Variants in FGF12 observed in about 807,000 individuals in gnomAD.
FGF12 encodes the protein fibroblast growth factor 12B.
Under a neutral mutation model 23.6 loss-of-function variants are expected in FGF12, and 14 were observed. That is an observed-to-expected ratio of 0.59 (90% CI 0.39 to 0.93). The LOEUF (loss-of-function observed/expected upper bound fraction) is 0.93, where lower values mean the gene tolerates loss of function less well. Among genes scored for constraint, FGF12 ranks in the 40% least tolerant of loss-of-function variants. The pLI is 0.00. For missense variants in FGF12, 175 were observed against 217.8 expected, an observed-to-expected ratio of 0.80 and a Z score of 1.24; for synonymous variants, 62 against 77.3, an observed-to-expected ratio of 0.80 and a Z score of 1.04.
At chr3:192,519,452 G>A (rs1397244322) in intron 2 of FGF12, among the ~76,000 whole-genome samples, 2 of 152,154 alleles carry the variant, frequency 1.3e-5, no homozygotes, top group East Asian at 3.8e-4. Flanking sequence ...TTATGGCAGG[G>A]GGGAGGGTAC....
chr3:192,404,264 C>T (rs946533882), intron 2 of FGF12, among the ~76,000 whole-genome samples: 1 of 152,148 alleles, frequency 6.6e-6, no homozygotes, highest in Non-Finnish European at 1.5e-5. Context: ...TAATCAATTG[C>T]TTTGCTCTTT....
At chr3:192,158,332 C>CTCTCTCTTTCTTTCTT (rs1553844038) in intron 5 of FGF12, among the ~76,000 whole-genome samples, 6 of 112,356 alleles carry the variant, frequency 5.3e-5, no homozygotes, top group Admixed American at 3.8e-4. Context: ...TTCTTTCTTT[C>CTCTCTCTTTCTTTCTT]TCTTTCTTTC....
At chr3:192,206,493 A>T (rs538833128) in intron 4 of FGF12, among the ~76,000 whole-genome samples, 68 of 152,328 alleles carry the variant, frequency 4.5e-4, no homozygotes, top group African/African-American at 1.6e-3. Context: ...ATAGGTTCAT[A>T]TTTATATCCA....
chr3:192,481,930 G>A (rs1723491527), intron 2 of FGF12, among the ~76,000 whole-genome samples: 1 of 152,144 alleles, frequency 6.6e-6, no homozygotes, highest in African/African-American at 2.4e-5. Flanking sequence ...CTTAAAGACT[G>A]CTGGGTATTC....
intron 2 of FGF12, among the ~76,000 whole-genome samples, chr3:192,386,100 G>A (rs972769502): frequency 6.6e-6 from 1 of 152,204 alleles, no homozygotes; most frequent in Non-Finnish European, 1.5e-5. Context: ...GTGAATAAAC[G>A]AGGAATAAAT....
chr3:192,190,513 T>C (rs1463018675), intron 4 of FGF12, among the ~76,000 whole-genome samples: 2 of 139,608 alleles, frequency 1.4e-5, no homozygotes, highest in Admixed American at 1.4e-4. Context: ...TCTCGCTCTG[T>C]CGCCCAGGCT....
chr3:192,474,703 T>C (rs1346076856), intron 2 of FGF12, among the ~76,000 whole-genome samples: 1 of 151,864 alleles, frequency 6.6e-6, no homozygotes, highest in Non-Finnish European at 1.5e-5. Context: ...CTGGCCAACA[T>C]GGTGAAACCC....
chr3:192,399,123 C>CAA (rs35547975), intron 2 of FGF12, among the ~76,000 whole-genome samples: 2 of 137,820 alleles, frequency 1.5e-5, no homozygotes, highest in Non-Finnish European at 1.6e-5. Flanking sequence ...CAAATATAAG[C>CAA]AAAAAAAAAA....
chr3:192,225,327 C>G (rs1272141914), intron 4 of FGF12, among the ~76,000 whole-genome samples: 1 of 152,050 alleles, frequency 6.6e-6, no homozygotes, highest in Non-Finnish European at 1.5e-5. Flanking sequence ...TCTGCCCCAC[C>G]ATCCCTTGCC....
chr3:192,552,997 C>T (rs114218998), intron 2 of FGF12, among the ~76,000 whole-genome samples: 2,559 of 152,136 alleles, frequency 0.017, 33 homozygotes, highest in Non-Finnish European at 0.026. Flanking sequence ...TAAAGTCAAG[C>T]CAGTATTCCA....
At chr3:192,279,809 G>C (rs1215420319) in intron 4 of FGF12, among the ~76,000 whole-genome samples, 1 of 152,168 alleles carries the variant, frequency 6.6e-6, no homozygotes, top group Non-Finnish European at 1.5e-5. Context: ...GAGTTTCCAT[G>C]TCGATTAAAT....
rs374837303 is a variant in FGF12 at position 192,408,253 on chromosome 3, C to A, written c.14-47715G>T. Reference sequence around the variant, plus strand: ...GCTCAGCGAGGGCCTCAGGCCCCAGCCTCTACTGCGCCCTCCGGCTTGCGC... The same window carrying A: ...GCTCAGCGAGGGCCTCAGGCCCCAGACTCTACTGCGCCCTCCGGCTTGCGC... On this transcript the variant is annotated intron_variant, in intron 2 of 5. Coordinates refer to ENST00000445105, the MANE Select transcript of FGF12 (RefSeq NM_004113.6). This position sits in a 1 kb window ranked among gnomAD's most constrained non-coding sequence, Gnocchi z 7.3. The A allele has an allele frequency of 1.3e-4, 197 of 1,564,740 alleles. 1 individual carries two copies. In the East Asian group the frequency reaches 1.5e-3, roughly 12 times the overall value.
chr3:192,534,408 A>G (rs1725177473), intron 2 of FGF12, among the ~76,000 whole-genome samples: 1 of 151,902 alleles, frequency 6.6e-6, no homozygotes, highest in South Asian at 2.1e-4. Context: ...TTTTATTTTT[A>G]TTTTTTAGAT....
chr3:192,493,376 T>C lies in FGF12; in HGVS notation c.14-132838A>G, dbSNP rs116408653. Among the ~76,000 whole-genome samples the C allele has an allele frequency of 3.5e-3, 531 of 152,312 alleles. 2 individuals carry two copies. Among genetic ancestry groups the C allele is most frequent in the Middle Eastern group, 0.024 (7 of 294 alleles). ...GACTTCTTCTTAACTAAGTGGCCCA[T>C]AAATTAAATTCTTGCTTCTTCCACC... On this transcript the variant is annotated intron_variant, in intron 2 of 5. Coordinates refer to ENST00000445105, the MANE Select transcript of FGF12 (RefSeq NM_004113.6).
intron 3 of FGF12, among the ~76,000 whole-genome samples, chr3:192,357,865 C>G (rs930491019): frequency 3.9e-5 from 6 of 152,156 alleles, no homozygotes; most frequent in Admixed American, 3.3e-4. Context: ...AGGAAGGCAT[C>G]TTCAACACCT....
intron 2 of FGF12, among the ~76,000 whole-genome samples, chr3:192,458,013 T>C (rs1576994131): frequency 6.6e-6 from 1 of 152,248 alleles, no homozygotes; most frequent in East Asian, 1.9e-4. Flanking sequence ...CTTCAGAGGG[T>C]GGAATCCCCA....
chr3:192,221,991 A>G (rs1210225529), intron 4 of FGF12, among the ~76,000 whole-genome samples: 1 of 152,186 alleles, frequency 6.6e-6, no homozygotes, highest in Non-Finnish European at 1.5e-5. Context: ...TTCAAATTAC[A>G]TTTTTACCAG....
intron 2 of FGF12, among the ~76,000 whole-genome samples, chr3:192,391,292 T>C (rs1169934096): frequency 6.6e-6 from 1 of 152,252 alleles, no homozygotes; most frequent in African/African-American, 2.4e-5. Flanking sequence ...GAAATCTACC[T>C]GCAAAAGTGC....
At chr3:192,410,548 G>C (rs189093144) in intron 2 of FGF12, among the ~76,000 whole-genome samples, 39 of 152,298 alleles carry the variant, frequency 2.6e-4, no homozygotes, top group African/African-American at 8.4e-4. Flanking sequence ...TCTCTGTTTA[G>C]TTAGGAAGAA....
Sources: allele counts gnomAD v4.1 joint callset (sites outside exome capture counted in the v4.1 genomes callset), GRCh38; gene constraint gnomAD v4.1.1; non-coding constraint Gnocchi (gnomAD v3.1); transcripts MANE v1.5; gene names NCBI Gene and HGNC (gene_info 2026-07-23, HGNC 2026-07-21).